The following ARMC5 variants were observed in gnomAD, a reference collection of about 807,000 sequenced individuals.
ARMC5 encodes the protein armadillo repeat-containing protein 5.
ARMC5 carries 28 observed loss-of-function variants against 60.5 expected under a neutral mutation model. The ratio of observed to expected loss-of-function variants is 0.46; its 90% CI spans 0.34 to 0.63. The LOEUF is 0.63. ARMC5 is among the 30% of genes least tolerant of loss of function. The pLI is 0.01. For synonymous variants in ARMC5, 680 were observed against 607.3 expected, an observed-to-expected ratio of 1.12 and a Z score of -1.76; for missense variants, 1,189 against 1,304.9, an observed-to-expected ratio of 0.91 and a Z score of 1.37.
rs759403099 is a variant in ARMC5 at position 31,465,235 on chromosome 16, C to T, written c.1864+348C>T. ...CACCAGCACGCTGACCTGTGAACCC[C>T]AGCCTCACCATCACCCCCAGCACTG... On this transcript the variant is annotated intron_variant, in intron 4 of 5. Transcript: ENST00000268314. The T allele has an allele frequency of 9.1e-6, 14 of 1,544,790 alleles. No homozygotes were observed. The African/African-American group carries it at 1.4e-4, about 15-fold the overall frequency.
Position 31,464,291 on chromosome 16 carries a change from TTAA to T in ARMC5, c.1371-102_1371-100del. On this transcript the variant is annotated intron_variant, in intron 3 of 5. Coordinates refer to ENST00000268314, the MANE Select transcript of ARMC5 (RefSeq NM_001105247.2). This position sits in a 1 kb window ranked among gnomAD's most constrained non-coding sequence, Gnocchi z 7.6. ...GGCTATAGAGGGATACCACATTTCT[TTAA>T]AAAAAAAAAAAAAAAAAAAAAAGAC... The T allele has an allele frequency of 1.1e-5, 10 of 950,740 alleles. No individual in the cohort carries two copies. Among genetic ancestry groups the T allele is most frequent in the Non-Finnish European group, 1.3e-5 (9 of 694,694 alleles). 58.9% of individuals were successfully genotyped at this position (950,740 alleles called of 1,614,324 possible).
chr16:31,465,798 C>T, intron 4 of ARMC5, 52 bp from the exon 5 acceptor site: 1 of 1,601,476 alleles, frequency 6.2e-7, no homozygotes, highest in South Asian at 1.1e-5. Context: ...GTCTCACTCA[C>T]CCCACCTGTC....
At chr16:31,461,851 A>G in intron 1 of ARMC5, 71 bp from the exon 2 acceptor site, 3 of 1,437,854 alleles carry the variant, frequency 2.1e-6, no homozygotes, top group Non-Finnish European at 2.0e-6. Flanking sequence ...CTCTCAGGCC[A>G]CATTCTCCAG....
Position 31,462,944 on chromosome 16 carries a change from G to C in ARMC5, c.1370+27G>C. The stretch of plus-strand genomic sequence containing the variant: ...TGAGTCCCTGCCTCAGGGCTTGGGA[G>C]GGTGAGCAGTGCAGTGATGTGGGGT... On this transcript the variant is annotated intron_variant, in intron 3 of 5. Coordinates refer to ENST00000268314, the MANE Select transcript of ARMC5 (RefSeq NM_001105247.2). The surrounding 1 kb of genome is among the most constrained non-coding windows in gnomAD (Gnocchi z 7.2). 1 of 1,527,430 alleles carries C rather than the reference G, an allele frequency of 6.5e-7. No homozygotes were observed. Among genetic ancestry groups the C allele is most frequent in the Non-Finnish European group, 8.8e-7 (1 of 1,137,418 alleles). The allele number at this position is 1,527,430 out of a possible 1,614,324, so 94.6% of individuals were successfully genotyped here.
At chr16:31,465,734 C>T (rs527862742) in intron 4 of ARMC5, 116 bp from the exon 5 acceptor site, 2 of 1,541,496 alleles carry the variant, frequency 1.3e-6, no homozygotes, top group East Asian at 2.3e-5. Context: ...CTTCAGTGCC[C>T]TGATTTCTCA....
rs562816336 is a variant in ARMC5, at chr16:31,465,087, C to G, written c.1864+200C>G. 1.1e-5 allele frequency: 17 copies of G among 1,614,080 alleles called. No individual in the cohort carries two copies. The Admixed American group carries it at 2.7e-4, about 25-fold the overall frequency. ...CCCACAGGCAGAGTTCTGCTGTGTC[C>G]TCTGCCCTAGCCCTGGGACCCAGAT... On this transcript the variant is annotated intron_variant, in intron 4 of 5. Coordinates refer to ENST00000268314, the MANE Select transcript of ARMC5 (RefSeq NM_001105247.2).
Position 31,459,936 on chromosome 16 carries a change from G to T in ARMC5, c.412G>T (p.Asp138Tyr). 3 of 1,604,834 alleles carry T rather than the reference G, an allele frequency of 1.9e-6. No homozygotes were observed. Among genetic ancestry groups the T allele is most frequent in the South Asian group, 2.2e-5 (2 of 90,938 alleles). Residue 138 changes from aspartate (D) to tyrosine (Y), a missense_variant, in exon 1 of 6, where the codon GAT becomes TAT. Asp to Tyr is a radical substitution (Grantham distance 160). Transcript: ENST00000268314. Reference sequence around the variant, plus strand: ...GGACTTGGCGCTCAGCATCCTAGCCGATTGCTGTACGGAAGGGGCGTGCCG... The same window carrying T: ...GGACTTGGCGCTCAGCATCCTAGCCTATTGCTGTACGGAAGGGGCGTGCCG... ...TLDLALSILA[D>Y]CCTEGACRTE...
upstream of ARMC5, chr16:31,458,497 C>G (rs2082266335): frequency 6.5e-7 from 1 of 1,535,724 alleles, no homozygotes; most frequent in East Asian, 2.4e-5. Flanking sequence ...ATAACCCGGA[C>G]AACGGTAAGG....
At chr16:31,458,625 G>T (rs530625193), upstream of ARMC5, 43 of 1,442,506 alleles carry the variant, frequency 3.0e-5, no homozygotes, top group Non-Finnish European at 3.8e-5. Flanking sequence ...CTTGGCAAAG[G>T]CTTCTTCCTC....
chr16:31,460,521 A>G (rs1413696706), intron 1 of ARMC5, among the ~76,000 whole-genome samples: 1 of 152,210 alleles, frequency 6.6e-6, no homozygotes, highest in Non-Finnish European at 1.5e-5. Flanking sequence ...AAGTACAAAT[A>G]TGGCACGAAT....
chr16:31,458,991 C>T (rs751436890), upstream of ARMC5: 4 of 1,535,242 alleles, frequency 2.6e-6, no homozygotes, highest in East Asian at 4.9e-5. Context: ...GTTTAACCCT[C>T]TTCTTCCTCT....
In ARMC5 at chr16:31,464,671, G is replaced by T; in HGVS notation, c.1648G>T (p.Gly550Cys). 6.3e-7 allele frequency: 1 copy of T among 1,598,730 alleles called. No homozygotes were observed. Residue 550 changes from glycine (G) to cysteine (C), a missense_variant, in exon 4 of 6, where the codon GGC becomes TGC. Gly to Cys is a radical substitution (Grantham distance 159, BLOSUM62 -3). Around this residue, in one of 2 missense-constraint regions of ARMC5, gnomAD observed 862 missense variants for 1,071.2 expected, o/e 0.80. Transcript: ENST00000268314. This position sits in a 1 kb window ranked among gnomAD's most constrained non-coding sequence, Gnocchi z 7.6. Reference sequence around the variant, plus strand: ...ACTTGTGACCGGCCCGGCGCTGTACGGCCTGCTGACCTATGTGACCGGCGC... The same window carrying T: ...ACTTGTGACCGGCCCGGCGCTGTACTGCCTGCTGACCTATGTGACCGGCGC... Reference protein sequence around the residue: ...GALVTGPALYGLLTYVTGAPG... With the variant: ...GALVTGPALYCLLTYVTGAPG...
intron 1 of ARMC5, 53 bp from the exon 2 acceptor site, chr16:31,461,869 A>T: frequency 6.6e-7 from 1 of 1,513,666 alleles, no homozygotes; most frequent in East Asian, 2.3e-5. Context: ...CAGGTTATTG[A>T]TGTGAGAGAC....
chr16:31,464,675 T>C lies in ARMC5; in HGVS notation c.1652T>C (p.Leu551Pro). ...GTGACCGGCCCGGCGCTGTACGGCC[T>C]GCTGACCTATGTGACCGGCGCACCG... ...ALVTGPALYG[L>P]LTYVTGAPGP... Residue 551 changes from leucine to proline, a missense_variant, in exon 4 of 6, where the codon CTG (leucine) becomes CCG (proline). Physicochemically the swap from Leu to Pro is moderately conservative, Grantham distance 98 (BLOSUM62 -3). This residue lies in a region of ARMC5 where 862 missense variants were observed against 1,071.2 expected (regional missense o/e 0.80). Transcript: ENST00000268314. This position sits in a 1 kb window ranked among gnomAD's most constrained non-coding sequence, Gnocchi z 7.6. 1 of 1,598,744 alleles carries C rather than the reference T, an allele frequency of 6.3e-7. No homozygotes were observed. The highest frequency in any genetic ancestry group is 8.5e-7 in the Non-Finnish European group (1 of 1,179,000).
Position 31,459,726 on chromosome 16 carries a change from C to G in ARMC5, c.202C>G (p.Arg68Gly), listed in dbSNP as rs1369438528. Residue 68 changes from arginine (R) to glycine (G), a missense_variant, in exon 1 of 6, where the codon CGC becomes GGC. By Grantham distance (125) the Arg-to-Gly change is moderately radical. Around this residue, in one of 2 missense-constraint regions of ARMC5, gnomAD observed 327 missense variants for 233.7 expected, o/e 1.40. Transcript: ENST00000268314. ...IERFRARGGLRPLLALLRRAA... is the reference protein window; with the variant it reads ...IERFRARGGLGPLLALLRRAA... ...GCGCTTCCGGGCACGCGGCGGGCTC[C>G]GCCCCCTACTCGCGCTGCTACGGCG... 15 of 1,557,066 alleles carry G rather than the reference C, an allele frequency of 9.6e-6. No individual in the cohort carries two copies. Among genetic ancestry groups the G allele is most frequent in the Non-Finnish European group, 1.3e-5 (15 of 1,162,532 alleles).
chr16:31,463,390 C>CT (rs2082322019), intron 3 of ARMC5, among the ~76,000 whole-genome samples: 1 of 152,214 alleles, frequency 6.6e-6, no homozygotes, highest in Admixed American at 6.5e-5. Flanking sequence ...TGAGCCACTG[C>CT]ACTGGCTGGA....
At chr16:31,465,582 G>A in intron 4 of ARMC5, 3 of 1,307,636 alleles carry the variant, frequency 2.3e-6, no homozygotes, top group Non-Finnish European at 2.0e-6. Flanking sequence ...TACTGGAACA[G>A]CTCGTGTCCT....
At position 31,465,844 on chromosome 16, in the gene ARMC5, TCA is replaced by T; in HGVS notation, c.1865-3_1865-2del. The T allele has an allele frequency of 6.2e-7, 1 of 1,608,612 alleles. No homozygotes were observed. Among genetic ancestry groups the T allele is most frequent in the South Asian group, 1.1e-5 (1 of 91,082 alleles). ...GTTCCCAGCCTGACAAGCTTTCCAC[TCA>T]CAGGGGAGAGGCTACTGCAGAACCT... On this transcript the variant is annotated splice_polypyrimidine_tract_variant and splice_region_variant and intron_variant, in intron 4 of 5. Transcript: ENST00000268314.
Position 31,467,130 on chromosome 16 carries a change from A to C in ARMC5, c.*241A>C. Reference sequence around the variant, plus strand: ...GCCCCAGGTGCCTGGCCTGGCCTAGACCTCTGGAATTGAGATTAAACAATT... The same window carrying C: ...GCCCCAGGTGCCTGGCCTGGCCTAGCCCTCTGGAATTGAGATTAAACAATT... On this transcript the variant is annotated 3_prime_UTR_variant, in exon 6 of 6. Coordinates refer to ENST00000268314, the MANE Select transcript of ARMC5 (RefSeq NM_001105247.2). 1 of 424,022 alleles carries C rather than the reference A, an allele frequency of 2.4e-6. No individual in the cohort carries two copies. The highest frequency in any genetic ancestry group is 4.1e-6 in the Non-Finnish European group (1 of 242,300). The allele number at this position is 424,022 out of a possible 1,614,324, so 26.3% of individuals were successfully genotyped here.
Sources: allele counts gnomAD v4.1 joint callset (sites outside exome capture counted in the v4.1 genomes callset), GRCh38; gene constraint gnomAD v4.1.1; regional missense constraint gnomAD v4.1.1; non-coding constraint Gnocchi (gnomAD v3.1); transcripts MANE v1.5; gene names NCBI Gene and HGNC (gene_info 2026-07-23, HGNC 2026-07-21).